Variants in GMDS observed in about 807,000 individuals in gnomAD.
The protein encoded by GMDS is GDP-mannose 4,6-dehydratase, also known as GDP-mannose 4,6 dehydratase.
A neutral mutation model predicts 49.9 loss-of-function variants in GMDS; 20 were observed. The ratio of observed to expected loss-of-function variants is 0.40; its 90% CI spans 0.28 to 0.58. The LOEUF is 0.58. GMDS is among the 20% of genes least tolerant of loss of function. The pLI, the probability that GMDS is intolerant of heterozygous loss-of-function variation, is 0.42. For missense variants in GMDS, 362 were observed against 481.4 expected, an observed-to-expected ratio of 0.75 and a Z score of 2.32; for synonymous variants, 177 against 178.6, an observed-to-expected ratio of 0.99 and a Z score of 0.07.
intron 4 of GMDS, among the ~76,000 whole-genome samples, chr6:1,967,963 T>A (rs2127313574): frequency 6.6e-6 from 1 of 152,346 alleles, no homozygotes; most frequent in African/African-American, 2.4e-5. Context: ...CACGTGTCAA[T>A]TCTGTAGTCT....
At chr6:1,632,593 G>A (rs1230622315) in intron 9 of GMDS, among the ~76,000 whole-genome samples, 3 of 152,204 alleles carry the variant, frequency 2.0e-5, no homozygotes, top group Admixed American at 6.5e-5. Context: ...ACACAAAAAC[G>A]TGGCCAGGCA....
At chr6:2,226,817 A>G (rs1780833137) in intron 1 of GMDS, among the ~76,000 whole-genome samples, 1 of 152,184 alleles carries the variant, frequency 6.6e-6, no homozygotes, top group African/African-American at 2.4e-5. Flanking sequence ...AACTAACAAG[A>G]TCTCTTGAGG....
chr6:2,048,648 C>T (rs904218024), intron 4 of GMDS, among the ~76,000 whole-genome samples: 2 of 152,170 alleles, frequency 1.3e-5, no homozygotes, highest in African/African-American at 2.4e-5. Flanking sequence ...ATTGAGTCTT[C>T]CCACTGATCA....
intron 7 of GMDS, among the ~76,000 whole-genome samples, chr6:1,881,552 G>A (rs1759363903): frequency 1.3e-5 from 2 of 152,198 alleles, no homozygotes; most frequent in South Asian, 4.1e-4. Context: ...CAAAATAAGT[G>A]AATCTGAAGA....
At chr6:2,131,220 T>C (rs1198501697) in intron 1 of GMDS, among the ~76,000 whole-genome samples, 2 of 152,168 alleles carry the variant, frequency 1.3e-5, no homozygotes, top group South Asian at 2.1e-4. Context: ...ACATGTGTAA[T>C]AATACTACTT....
In GMDS at chr6:2,161,897, A is replaced by G. The variant is rs556729299; in HGVS notation, c.103-37166T>C. Among the ~76,000 whole-genome samples the G allele has an allele frequency of 9.2e-5, 14 of 152,380 alleles. No individual in the cohort carries two copies. The South Asian group carries it at 1.4e-3, about 16-fold the overall frequency. On this transcript the variant is annotated intron_variant, in intron 1 of 10. Transcript: ENST00000380815. ...CAAGACCTCATTCAAGCAAGTCACT[A>G]ATGACAGGAGTCACTGTCAATAAAC...
At chr6:2,041,791 T>A (rs1040713517) in intron 4 of GMDS, among the ~76,000 whole-genome samples, 1 of 152,200 alleles carries the variant, frequency 6.6e-6, no homozygotes, top group Non-Finnish European at 1.5e-5. Flanking sequence ...TGGAAACTCC[T>A]AGAAAAGTTT....
chr6:1,681,054 T>G (rs1764769503), intron 9 of GMDS, among the ~76,000 whole-genome samples: 1 of 151,926 alleles, frequency 6.6e-6, no homozygotes, highest in Non-Finnish European at 1.5e-5. Flanking sequence ...CGAATATACA[T>G]ACACATGCTC....
chr6:2,130,386 C>T (rs1308886518), intron 1 of GMDS, among the ~76,000 whole-genome samples: 1 of 152,248 alleles, frequency 6.6e-6, no homozygotes, highest in Non-Finnish European at 1.5e-5. Context: ...CAGAGAAGCA[C>T]TGCAATCCAG....
intron 7 of GMDS, among the ~76,000 whole-genome samples, chr6:1,891,149 C>T (rs3778543): frequency 0.95 from 144,978 of 152,302 alleles, 69,188 homozygotes; most frequent in Middle Eastern, 0.99. Context: ...CCTGTGCCTC[C>T]CCCACACAGG....
At chr6:2,120,738 C>A (rs1302808829) in intron 2 of GMDS, among the ~76,000 whole-genome samples, 1 of 152,174 alleles carries the variant, frequency 6.6e-6, no homozygotes, top group African/African-American at 2.4e-5. Flanking sequence ...AACTAGAATG[C>A]GCTTTCATAA....
chr6:2,010,276 G>A (rs555333582), intron 4 of GMDS, among the ~76,000 whole-genome samples: 16 of 148,502 alleles, frequency 1.1e-4, no homozygotes, highest in African/African-American at 3.7e-4. Context: ...GCAGGGAGCC[G>A]AGATCGTGCC....
chr6:1,752,117 C>T (rs1767759695), intron 7 of GMDS, among the ~76,000 whole-genome samples: 1 of 152,116 alleles, frequency 6.6e-6, no homozygotes, highest in Non-Finnish European at 1.5e-5. Context: ...TAACCCAATG[C>T]AAGAAAGCTA....
At chr6:1,628,353 A>G (rs1762905260) in intron 9 of GMDS, among the ~76,000 whole-genome samples, 1 of 152,146 alleles carries the variant, frequency 6.6e-6, no homozygotes, top group African/African-American at 2.4e-5. Context: ...TTAAAATCAC[A>G]CTGGTTAGTT....
intron 9 of GMDS, 82 bp from the exon 10 acceptor site, chr6:1,624,622 C>A (rs760246229): frequency 1.8e-4 from 164 of 935,592 alleles, no homozygotes; most frequent in Non-Finnish European, 2.6e-4. Context: ...GAACTCCCAC[C>A]GTTCCGCTCC....
intron 8 of GMDS, among the ~76,000 whole-genome samples, chr6:1,733,728 C>T (rs939790975): frequency 6.6e-6 from 1 of 152,112 alleles, no homozygotes; most frequent in African/African-American, 2.4e-5. Context: ...GGTGTGCACC[C>T]ATTGTCCCAA....
intron 7 of GMDS, among the ~76,000 whole-genome samples, chr6:1,841,651 C>G (rs1400658893): frequency 6.6e-6 from 1 of 152,118 alleles, no homozygotes; most frequent in Non-Finnish European, 1.5e-5. Context: ...ACATATATCC[C>G]TATTTTTGCT....
At chr6:1,761,523 C>G in intron 7 of GMDS, among the ~76,000 whole-genome samples, 1 of 152,138 alleles carries the variant, frequency 6.6e-6, no homozygotes, top group Non-Finnish European at 1.5e-5. Context: ...ATGTCATTTA[C>G]GCCAGTGCTA....
intron 7 of GMDS, among the ~76,000 whole-genome samples, chr6:1,877,643 T>TCA (rs776232284): frequency 1.9e-5 from 1 of 51,828 alleles, no homozygotes; most frequent in Non-Finnish European, 3.7e-5. Context: ...ATCTCAAAAA[T>TCA]TAAAAAAAAA....
Sources: allele counts gnomAD v4.1 joint callset (sites outside exome capture counted in the v4.1 genomes callset), GRCh38; gene constraint gnomAD v4.1.1; transcripts MANE v1.5; gene names NCBI Gene and HGNC (gene_info 2026-07-23, HGNC 2026-07-21).